The following ADAM29 variants were observed in gnomAD, a reference collection of about 807,000 sequenced individuals.
ADAM29 encodes disintegrin and metalloproteinase domain-containing protein 29.
For missense variants in ADAM29, 969 were observed against 1,001.8 expected (o/e 0.97, Z 0.44); for synonymous variants, 367 against 342.3 (o/e 1.07, Z -0.80).
intron 3 of ADAM29, among the ~76,000 whole-genome samples, chr4:174,935,349 A>G (rs1744144126): frequency 6.6e-6 from 1 of 152,164 alleles, no homozygotes; most frequent in Admixed American, 6.6e-5. Context: ...TGTAAATAAG[A>G]AAAACAACAT....
intron 4 of ADAM29, among the ~76,000 whole-genome samples, chr4:174,938,352 T>C (rs1310377788): frequency 6.6e-6 from 1 of 152,102 alleles, no homozygotes; most frequent in African/African-American, 2.4e-5. Flanking sequence ...ATTCTGTTCC[T>C]AAGTCCAGTA....
intron 4 of ADAM29, among the ~76,000 whole-genome samples, chr4:174,947,852 C>CA (rs1353622088): frequency 6.6e-6 from 1 of 152,114 alleles, no homozygotes; most frequent in East Asian, 1.9e-4. Context: ...TGAAGTTTCC[C>CA]ACTGTTATTG....
intron 4 of ADAM29, among the ~76,000 whole-genome samples, chr4:174,973,165 C>T (rs1024602716): frequency 5.9e-5 from 9 of 152,194 alleles, no homozygotes; most frequent in Non-Finnish European, 1.0e-4. Context: ...CAGATGAAAC[C>T]ACCATCTCCA....
chr4:174,968,528 G>A (rs990860339), intron 4 of ADAM29, among the ~76,000 whole-genome samples: 4 of 152,096 alleles, frequency 2.6e-5, no homozygotes, highest in Non-Finnish European at 4.4e-5. Flanking sequence ...TAGTGTGCAT[G>A]TTTTTTGTTT....
At chr4:174,968,185 A>G (rs1271854351) in intron 4 of ADAM29, among the ~76,000 whole-genome samples, 1 of 152,128 alleles carries the variant, frequency 6.6e-6, no homozygotes, top group Non-Finnish European at 1.5e-5. Context: ...GTTAAAATAT[A>G]CATACAATGA....
rs868311734 is a variant in ADAM29, at chr4:174,977,729, G to C, written c.2204G>C (p.Trp735Ser). 6.2e-7 allele frequency: 1 copy of C among 1,604,392 alleles called. No individual in the cohort carries two copies. ...GAGTTACCTCCCCAGAGTCAACCTTGGGTGATGCCTTCCCAGAGTCAACCT... is the reference window on the plus strand; with the variant it reads ...GAGTTACCTCCCCAGAGTCAACCTTCGGTGATGCCTTCCCAGAGTCAACCT... ...PHELPPQSQPWVMPSQSQPPV... is the reference protein window; with the variant it reads ...PHELPPQSQPSVMPSQSQPPV... The change falls in exon 5 of 5, where the codon TGG becomes TCG. Residue 735 changes from tryptophan to serine, a missense_variant. Transcript: ENST00000359240.
Position 174,978,127 on chromosome 4 carries a change from C to G in ADAM29, c.*139C>G, listed in dbSNP as rs1747024517. The G allele has an allele frequency of 1.5e-6, 2 of 1,362,072 alleles. No individual in the cohort carries two copies. Among genetic ancestry groups the G allele is most frequent in the Admixed American group, 4.5e-5 (2 of 44,420 alleles). The allele number at this position is 1,362,072 out of a possible 1,614,324, so 84.4% of individuals were successfully genotyped here. A position where few individuals can be genotyped will look rare whatever the true frequency, so the allele number is the denominator to read the frequency against. On this transcript the variant is annotated 3_prime_UTR_variant, in exon 5 of 5. Transcript: ENST00000359240. ...AAGTGGTAAACAAAAGCAATCAGTACCAATTCCAAAAACTGTATCCAGAAA... is the reference window on the plus strand; with the variant it reads ...AAGTGGTAAACAAAAGCAATCAGTAGCAATTCCAAAAACTGTATCCAGAAA...
At chr4:174,929,640 A>C (rs749958464) in intron 2 of ADAM29, among the ~76,000 whole-genome samples, 2 of 145,096 alleles carry the variant, frequency 1.4e-5, no homozygotes, top group Non-Finnish European at 3.1e-5. Flanking sequence ...GCCCAAGGCC[A>C]GCTGGAGTTT....
At chr4:174,961,337 G>C (rs1413964859) in intron 4 of ADAM29, among the ~76,000 whole-genome samples, 1 of 150,900 alleles carries the variant, frequency 6.6e-6, no homozygotes, top group Non-Finnish European at 1.5e-5. Flanking sequence ...ATATATTATT[G>C]ATAATATTAA....
chr4:174,975,390 A>T lies in ADAM29; in HGVS notation c.-136A>T. On this transcript the variant is annotated 5_prime_UTR_variant, in exon 5 of 5. The change abolishes the stop of an existing upstream ORF in the 5' untranslated region. Transcript: ENST00000359240. ...CAACTCTGCCAAAAGATGGATCTTTAATGATTAGCACTACACACTGACCAA... is the reference window on the plus strand; with the variant it reads ...CAACTCTGCCAAAAGATGGATCTTTTATGATTAGCACTACACACTGACCAA... 3 of 689,514 alleles carry T rather than the reference A, an allele frequency of 4.4e-6. No homozygotes were observed. Among genetic ancestry groups the T allele is most frequent in the African/African-American group, 1.8e-5 (1 of 55,148 alleles). The allele number at this position is 689,514 out of a possible 1,614,324, so 42.7% of individuals were successfully genotyped here. A position where few individuals can be genotyped will look rare whatever the true frequency, so the allele number is the denominator to read the frequency against.
chr4:174,919,740 G>A (rs1035809049), intron 1 of ADAM29, among the ~76,000 whole-genome samples: 2 of 152,098 alleles, frequency 1.3e-5, no homozygotes, highest in Admixed American at 6.6e-5. Context: ...CCAGAATAAT[G>A]TCCCTTTTGA....
Position 174,975,967 on chromosome 4 carries a change from C to T in ADAM29, c.442C>T (p.Leu148=). The T allele has an allele frequency of 6.2e-7, 1 of 1,614,042 alleles. No homozygotes were observed. Among genetic ancestry groups the T allele is most frequent in the Non-Finnish European group, 8.5e-7 (1 of 1,179,998 alleles). The change falls in exon 5 of 5, where the codon CTG becomes TTG. Residue 148 remains leucine, a synonymous_variant. Transcript: ENST00000359240. The part of the protein sequence containing the change: ...PLAFSTTFEH[L]VYKMDSEEKQ... ...AGCATTTTCTACCACGTTTGAACAT[C>T]TGGTATACAAGATGGACAGTGAGGA...
chr4:174,959,198 TCTC>T (rs1345415067), intron 4 of ADAM29, among the ~76,000 whole-genome samples: 3 of 152,030 alleles, frequency 2.0e-5, no homozygotes, highest in Non-Finnish European at 2.9e-5. Context: ...GAATATTACT[TCTC>T]CTTTATTTTT....
chr4:174,950,134 G>T lies in ADAM29; in HGVS notation c.-181+13121G>T, dbSNP rs141115655. On this transcript the variant is annotated intron_variant, in intron 4 of 4. Transcript: ENST00000359240. Reference sequence around the variant, plus strand: ...TAAGTAAAAGTATTGATTTTACCAGGATTCTCTTTTCAAACCTCTTCTTTT... The same window carrying T: ...TAAGTAAAAGTATTGATTTTACCAGTATTCTCTTTTCAAACCTCTTCTTTT... 7.9e-3 allele frequency among the ~76,000 whole-genome samples: 1,206 copies of T among 152,170 alleles called. 11 individuals are homozygous for T. Among genetic ancestry groups the T allele is most frequent in the Middle Eastern group, 0.024 (7 of 294 alleles).
At chr4:174,952,458 G>A (rs1368106115) in intron 4 of ADAM29, among the ~76,000 whole-genome samples, 1 of 152,026 alleles carries the variant, frequency 6.6e-6, no homozygotes, top group African/African-American at 2.4e-5. Context: ...ACTAACACAT[G>A]AGAATATGTT....
intron 4 of ADAM29, among the ~76,000 whole-genome samples, chr4:174,969,002 G>GA (rs538869680): frequency 7.7e-5 from 10 of 130,038 alleles, no homozygotes; most frequent in South Asian, 2.4e-4. Context: ...ATTGGTTCTA[G>GA]AAAAAAAAAG....
chr4:174,943,889 A>G (rs1415124038), intron 4 of ADAM29, among the ~76,000 whole-genome samples: 2 of 151,976 alleles, frequency 1.3e-5, no homozygotes, highest in African/African-American at 2.4e-5. Flanking sequence ...CACTCATTTT[A>G]TGAGAAATTA....
intron 2 of ADAM29, among the ~76,000 whole-genome samples, chr4:174,927,907 T>G (rs1031600524): frequency 6.6e-6 from 1 of 152,176 alleles, no homozygotes; most frequent in Non-Finnish European, 1.5e-5. Flanking sequence ...TGGAGGGACA[T>G]GCATTTGATC....
Position 174,952,855 on chromosome 4 carries a change from G to A in ADAM29, c.-181+15842G>A, listed in dbSNP as rs543201689. Among the ~76,000 whole-genome samples the A allele has an allele frequency of 8.5e-5, 13 of 152,248 alleles. No individual in the cohort carries two copies. The South Asian group carries it at 2.7e-3, about 32-fold the overall frequency. ...TATTAATATAATCTTAATATAATCT[G>A]AGTGACAAGCCAAACATTTTCTGGT... On this transcript the variant is annotated intron_variant, in intron 4 of 4. Transcript: ENST00000359240.
Sources: gnomAD v4.1 joint callset for allele counts (sites outside exome capture counted in the v4.1 genomes callset) on GRCh38, gnomAD v4.1.1 for gene constraint, MANE v1.5 for transcripts, NCBI Gene and HGNC (gene_info 2026-07-23, HGNC 2026-07-21) for gene names.